Variants in ELAVL4 observed in about 807,000 individuals in gnomAD.
ELAVL4 encodes ELAV-like protein 4.
ELAVL4 carries 1 observed loss-of-function variant against 35.6 expected under a neutral mutation model. The ratio of observed to expected loss-of-function variants is 0.03; its 90% CI spans 0.01 to 0.13. The LOEUF is 0.13. ELAVL4 is among the 10% of genes least tolerant of loss of function. The pLI is 1.00. For missense variants in ELAVL4, 267 were observed against 464.9 expected (o/e 0.57, Z 3.91); for synonymous variants, 156 against 171.0 (o/e 0.91, Z 0.69).
intron 3 of ELAVL4, among the ~76,000 whole-genome samples, chr1:50,191,785 A>T (rs1487920772): frequency 6.6e-6 from 1 of 151,980 alleles, no homozygotes; most frequent in East Asian, 1.9e-4. Context: ...AAGTAGGTAT[A>T]AAAAAAATGT....
chr1:50,159,783 A>G (rs1363417265), intron 2 of ELAVL4, among the ~76,000 whole-genome samples: 1 of 152,080 alleles, frequency 6.6e-6, no homozygotes. Flanking sequence ...TCCTTGGAGG[A>G]TAAATTTGAG....
In ELAVL4 at chr1:50,091,993, G is replaced by A. The variant is rs544890360; in HGVS notation, c.18+43811G>A. 3.3e-5 allele frequency among the ~76,000 whole-genome samples: 5 copies of A among 152,224 alleles called. No homozygotes were observed. In the South Asian group the frequency reaches 1.0e-3, roughly 32 times the overall value. On this transcript the variant is annotated intron_variant, in intron 1 of 6. Transcript: ENST00000448907. The stretch of plus-strand genomic sequence containing the variant: ...ATTGTATCAGCTGATGGGTTTTTTG[G>A]CCATTCTAGTTCACTGTAACTGACT...
In ELAVL4 at chr1:50,109,086, A is replaced by G; in HGVS notation, c.-104A>G. 1 of 1,106,128 alleles carries G rather than the reference A, an allele frequency of 9.0e-7. No individual in the cohort carries two copies. The highest frequency in any genetic ancestry group is 1.1e-6 in the Non-Finnish European group (1 of 908,116). The allele number at this position is 1,106,128 out of a possible 1,614,324, so 68.5% of individuals were successfully genotyped here. On this transcript the variant is annotated 5_prime_UTR_variant, in exon 1 of 7. Transcript: ENST00000371824. ...CCACACTGTGTTTTGTGGATCTTTA[A>G]TTATATATAACAATAGTAGTCATTT...
chr1:50,189,388 C>T (rs147988226), intron 3 of ELAVL4, among the ~76,000 whole-genome samples: 12 of 152,342 alleles, frequency 7.9e-5, no homozygotes, highest in African/African-American at 1.7e-4. Flanking sequence ...TGAATGACAA[C>T]GCCTGCTTTA....
At chr1:50,099,560 C>CAAAAA (rs750905424), upstream of ELAVL4, among the ~76,000 whole-genome samples, 25 of 56,070 alleles carry the variant, frequency 4.5e-4, no homozygotes, top group East Asian at 1.6e-3. Context: ...AACTCCGCCT[C>CAAAAA]AAAAAAAAAA....
At chr1:50,131,804 A>ACAAG in intron 1 of ELAVL4, among the ~76,000 whole-genome samples, 1 of 152,004 alleles carries the variant, frequency 6.6e-6, no homozygotes, top group East Asian at 1.9e-4. Flanking sequence ...AAACAAACAA[A>ACAAG]CAAATAGAAC....
chr1:50,083,008 A>G (rs552360840), intron 1 of ELAVL4, among the ~76,000 whole-genome samples: 37 of 152,232 alleles, frequency 2.4e-4, no homozygotes, highest in African/African-American at 7.0e-4. Context: ...TTTGATAGGG[A>G]AAGATGAAAA....
In ELAVL4 at chr1:50,201,142, A is replaced by G; in HGVS notation, c.1065A>G (p.Gln355=). ...NGYRLGDRVL[Q]VSFKTNKAHK... is the part of the protein sequence containing the mutation. ...ACCGCCTGGGAGACAGAGTGTTGCA[A>G]GTTTCCTTTAAAACCAACAAAGCCC... Residue 355 remains glutamine (Q), a synonymous_variant, in exon 7 of 7, where the codon CAA becomes CAG. Coordinates refer to ENST00000371824, the MANE Select transcript of ELAVL4 (RefSeq NM_001144774.3). The surrounding 1 kb of genome is among the most constrained non-coding windows in gnomAD (Gnocchi z 4.3). 6.2e-7 allele frequency: 1 copy of G among 1,605,338 alleles called. No individual in the cohort carries two copies. The highest frequency in any genetic ancestry group is 8.5e-7 in the Non-Finnish European group (1 of 1,175,652).
chr1:50,181,043 T>C (rs1680940708), intron 3 of ELAVL4: 1 of 152,180 alleles, frequency 6.6e-6, no homozygotes, highest in Non-Finnish European at 1.5e-5. Context: ...ACCTCCTTTA[T>C]ACAGGTGAGG....
intron 2 of ELAVL4, among the ~76,000 whole-genome samples, chr1:50,169,041 T>A (rs1350152527): frequency 6.6e-6 from 1 of 151,116 alleles, no homozygotes; most frequent in Non-Finnish European, 1.5e-5. Context: ...GATCACAGGG[T>A]CCCACAACAG....
At chr1:50,154,829 AC>A (rs1166727084) in intron 2 of ELAVL4, among the ~76,000 whole-genome samples, 1 of 147,946 alleles carries the variant, frequency 6.8e-6, no homozygotes, top group African/African-American at 2.5e-5. Flanking sequence ...TTGACATGTC[AC>A]TTTGATCCAA....
At chr1:50,119,243 A>G (rs1668617264) in intron 1 of ELAVL4, among the ~76,000 whole-genome samples, 2 of 152,000 alleles carry the variant, frequency 1.3e-5, no homozygotes. Context: ...AGCTCTCTGG[A>G]AGAATTTGGT....
At chr1:50,102,243 G>A (rs1298336762), upstream of ELAVL4, among the ~76,000 whole-genome samples, 21 of 151,454 alleles carry the variant, frequency 1.4e-4, no homozygotes, top group Non-Finnish European at 1.5e-5. Flanking sequence ...CCGAGATGGC[G>A]CCACTGCACT....
intron 1 of ELAVL4, among the ~76,000 whole-genome samples, chr1:50,053,806 A>T (rs1353472988): frequency 6.6e-6 from 1 of 152,258 alleles, no homozygotes; most frequent in African/African-American, 2.4e-5. Context: ...AGAGCACGTT[A>T]GACAGTTATA....
chr1:50,174,006 T>C (rs1466122538), intron 2 of ELAVL4, among the ~76,000 whole-genome samples: 1 of 152,224 alleles, frequency 6.6e-6, no homozygotes, highest in Non-Finnish European at 1.5e-5. Context: ...ATCTATTTTT[T>C]TCTAGGTACA....
intron 1 of ELAVL4, among the ~76,000 whole-genome samples, chr1:50,081,752 A>G (rs1034245332): frequency 1.3e-5 from 2 of 152,176 alleles, no homozygotes; most frequent in Non-Finnish European, 2.9e-5. Flanking sequence ...ATAGGTATAC[A>G]CGTGCTATGG....
At chr1:50,186,599 T>C (rs1299091927) in intron 3 of ELAVL4, among the ~76,000 whole-genome samples, 5 of 152,116 alleles carry the variant, frequency 3.3e-5, no homozygotes, top group Admixed American at 3.3e-4. Flanking sequence ...TATTCTGCCA[T>C]GATGGTGAAC....
chr1:50,069,628 ATGT>A (rs1262404242), intron 1 of ELAVL4, among the ~76,000 whole-genome samples: 1 of 152,140 alleles, frequency 6.6e-6, no homozygotes, highest in African/African-American at 2.4e-5. Context: ...CCTCTTAGTG[ATGT>A]TGTTAACCTC....
At chr1:50,078,748 A>G (rs1664875732) in intron 1 of ELAVL4, among the ~76,000 whole-genome samples, 1 of 152,188 alleles carries the variant, frequency 6.6e-6, no homozygotes, top group African/African-American at 2.4e-5. Flanking sequence ...TGGTGCTTGC[A>G]GTCTCCCTGG....
Sources: allele counts gnomAD v4.1 joint callset (sites outside exome capture counted in the v4.1 genomes callset), GRCh38; gene constraint gnomAD v4.1.1; non-coding constraint Gnocchi (gnomAD v3.1); transcripts MANE v1.5; gene names NCBI Gene and HGNC (gene_info 2026-07-23, HGNC 2026-07-21).